The following FAM13A variants were observed in gnomAD, a reference collection of about 807,000 sequenced individuals.
FAM13A encodes family with sequence similarity 13 member A.
FAM13A carries 76 observed loss-of-function variants against 129.6 expected under a neutral mutation model. That is an observed-to-expected ratio of 0.59 (90% CI 0.49 to 0.71). The LOEUF (loss-of-function observed/expected upper bound fraction) is 0.71. Among genes scored for constraint, FAM13A ranks in the 30% least tolerant of loss-of-function variants. The pLI is 0.00. For missense variants in FAM13A, 1,108 were observed against 1,249.3 expected (o/e 0.89, Z 1.70); for synonymous variants, 443 against 449.9 (o/e 0.98, Z 0.20).
chr4:88,999,200 T>C (rs562305028), intron 3 of FAM13A, among the ~76,000 whole-genome samples: 1 of 152,240 alleles, frequency 6.6e-6, no homozygotes, highest in African/African-American at 2.4e-5. Context: ...CAAAACAAAC[T>C]CCTGATAATG....
intron 6 of FAM13A, among the ~76,000 whole-genome samples, chr4:88,898,054 A>G (rs764498231): frequency 6.6e-6 from 1 of 152,166 alleles, no homozygotes; most frequent in African/African-American, 2.4e-5. Flanking sequence ...AGGGAGGATA[A>G]TAAGTATGCA....
At chr4:88,769,466 T>A (rs1180920950) in intron 11 of FAM13A, among the ~76,000 whole-genome samples, 1 of 152,116 alleles carries the variant, frequency 6.6e-6, no homozygotes, top group African/African-American at 2.4e-5. Context: ...AATTTCCTCA[T>A]CTGGAAAATG....
chr4:88,810,013 C>T (rs1729360605), intron 7 of FAM13A, among the ~76,000 whole-genome samples: 2 of 151,810 alleles, frequency 1.3e-5, no homozygotes, highest in African/African-American at 2.4e-5. Flanking sequence ...TTATTATTTG[C>T]ACTTTGTGCC....
intron 6 of FAM13A, among the ~76,000 whole-genome samples, chr4:88,878,144 G>C (rs946831036): frequency 2.0e-5 from 3 of 151,906 alleles, no homozygotes; most frequent in Admixed American, 6.6e-5. Context: ...CAAAAAATTA[G>C]CCAGGCGTGG....
chr4:88,902,647 G>A (rs1246634), intron 6 of FAM13A, among the ~76,000 whole-genome samples: 112,518 of 152,030 alleles, frequency 0.74, 41,942 homozygotes, highest in Non-Finnish European at 0.79. Context: ...CCCACAGCCA[G>A]TATCATACTG....
intron 11 of FAM13A, among the ~76,000 whole-genome samples, chr4:88,776,458 G>A (rs907683204): frequency 2.0e-5 from 3 of 152,010 alleles, no homozygotes; most frequent in East Asian, 1.9e-4. Flanking sequence ...GAGAATATAT[G>A]AAAAGCACTT....
At chr4:88,881,186 T>C (rs1743505521) in intron 6 of FAM13A, among the ~76,000 whole-genome samples, 2 of 152,126 alleles carry the variant, frequency 1.3e-5, no homozygotes, top group South Asian at 4.1e-4. Context: ...ACTAGCCCAA[T>C]AAACAAAACT....
rs1434608734 is a variant in FAM13A, at chr4:88,922,351, C to A, written c.759+15737G>T. Reference sequence around the variant, plus strand: ...AAGATCAGACATTATAACAAACTGTCTCTCAGACCACAGTGCAATCAAACT... The same window carrying A: ...AAGATCAGACATTATAACAAACTGTATCTCAGACCACAGTGCAATCAAACT... On this transcript the variant is annotated intron_variant, in intron 5 of 23. Transcript: ENST00000264344. Among the ~76,000 whole-genome samples the A allele has an allele frequency of 2.6e-5, 4 of 152,204 alleles. No individual in the cohort carries two copies. In the East Asian group the frequency reaches 7.7e-4, roughly 29 times the overall value.
In FAM13A at chr4:88,783,002, C is replaced by T. The variant is rs539971932; in HGVS notation, c.1272-1651G>A. On this transcript the variant is annotated intron_variant, in intron 10 of 23. Transcript: ENST00000264344. ...ATTTATTTTTAATTTTGTGTGTACA[C>T]GGTAGGTGTATATACATAAATTACA... is the stretch of plus-strand genomic sequence containing the variant. Among the ~76,000 whole-genome samples, 42 of 151,736 alleles carry T rather than the reference C, an allele frequency of 2.8e-4. 1 individual carries two copies. In the East Asian group the frequency reaches 4.8e-3, roughly 17 times the overall value.
intron 7 of FAM13A, among the ~76,000 whole-genome samples, chr4:88,806,828 T>A (rs10516821): frequency 6.6e-6 from 1 of 152,094 alleles, no homozygotes; most frequent in African/African-American, 2.4e-5. Flanking sequence ...AGCGCTATTA[T>A]AGGAGGTGAC....
intron 11 of FAM13A, among the ~76,000 whole-genome samples, chr4:88,769,629 C>A (rs1054648308): frequency 1.3e-5 from 2 of 151,864 alleles, no homozygotes; most frequent in African/African-American, 4.8e-5. Context: ...GTCAAGAGAT[C>A]GAGACCATCC....
intron 1 of FAM13A, among the ~76,000 whole-genome samples, chr4:89,052,186 G>C (rs140456186): frequency 2.0e-5 from 3 of 151,988 alleles, no homozygotes; most frequent in African/African-American, 7.2e-5. Context: ...CAATGGGGCA[G>C]CTATAAAGTG....
At chr4:88,758,308 C>T (rs1744102819) in intron 14 of FAM13A, among the ~76,000 whole-genome samples, 1 of 151,938 alleles carries the variant, frequency 6.6e-6, no homozygotes, top group Non-Finnish European at 1.5e-5. Flanking sequence ...TAAAAACGAA[C>T]ATAGAAACAA....
At chr4:88,783,682 A>G (rs895714014) in intron 10 of FAM13A, among the ~76,000 whole-genome samples, 1 of 152,134 alleles carries the variant, frequency 6.6e-6, no homozygotes, top group African/African-American at 2.4e-5. Flanking sequence ...CCTAACCCCC[A>G]ATGTGACCAT....
intron 1 of FAM13A, among the ~76,000 whole-genome samples, chr4:89,036,653 G>C (rs1161261341): frequency 2.0e-5 from 3 of 152,104 alleles, no homozygotes; most frequent in African/African-American, 7.2e-5. Context: ...TGTCTCAAAG[G>C]CATTTCAGAG....
intron 11 of FAM13A, among the ~76,000 whole-genome samples, chr4:88,769,966 A>T (rs1334874164): frequency 6.6e-6 from 1 of 152,102 alleles, no homozygotes; most frequent in Non-Finnish European, 1.5e-5. Context: ...TTTTATTGTT[A>T]TTTGTTATAA....
intron 5 of FAM13A, among the ~76,000 whole-genome samples, chr4:88,932,608 C>A (rs1020224784): frequency 6.6e-6 from 1 of 152,148 alleles, no homozygotes; most frequent in Non-Finnish European, 1.5e-5. Context: ...AATGGAGACA[C>A]ATGCAATGTT....
chr4:88,749,930 G>A (rs976708318), intron 15 of FAM13A, 21 bp from the exon 16 acceptor site: 1 of 1,611,474 alleles, frequency 6.2e-7, no homozygotes, highest in Non-Finnish European at 8.5e-7. Context: ...TACGACTTGG[G>A]TCAGTTTCCC....
intron 4 of FAM13A, among the ~76,000 whole-genome samples, chr4:88,958,302 G>A (rs901277788): frequency 5.3e-5 from 8 of 152,174 alleles, no homozygotes; most frequent in East Asian, 1.9e-4. Context: ...ACCCTGCACC[G>A]CTTCAGGACA....
Sources: gnomAD v4.1 joint callset for allele counts (sites outside exome capture counted in the v4.1 genomes callset) on GRCh38, gnomAD v4.1.1 for gene constraint, MANE v1.5 for transcripts, NCBI Gene and HGNC (gene_info 2026-07-23, HGNC 2026-07-21) for gene names.